Variants in GDPD1 observed in about 807,000 individuals in gnomAD.
GDPD1 encodes glycerophosphodiester phosphodiesterase domain containing 1.
GDPD1 carries 28 observed loss-of-function variants against 45.1 expected under a neutral mutation model. That is an observed-to-expected ratio of 0.62 (90% CI 0.46 to 0.85). The LOEUF (loss-of-function observed/expected upper bound fraction) is 0.85. Among genes scored for constraint, GDPD1 ranks in the 40% least tolerant of loss-of-function variants. The pLI, the probability that GDPD1 is intolerant of heterozygous loss-of-function variation, is 0.00. For synonymous variants in GDPD1, 139 were observed against 131.4 expected (o/e 1.06, Z -0.40); for missense variants, 256 against 364.8 (o/e 0.70, Z 2.43).
At chr17:59,235,233 C>T (rs576670587) in intron 2 of GDPD1, among the ~76,000 whole-genome samples, 12 of 152,100 alleles carry the variant, frequency 7.9e-5, no homozygotes, top group Non-Finnish European at 1.6e-4. Context: ...TTAGTAAGGT[C>T]CATATTTAGT....
intron 2 of GDPD1, among the ~76,000 whole-genome samples, chr17:59,236,123 T>TC (rs1292230477): frequency 2.0e-5 from 3 of 152,182 alleles, no homozygotes; most frequent in Non-Finnish European, 4.4e-5. Context: ...TCCATATTTT[T>TC]TTGTTAAATT....
At chr17:59,270,389 G>GT (rs1265144621) in intron 7 of GDPD1, among the ~76,000 whole-genome samples, 6 of 151,518 alleles carry the variant, frequency 4.0e-5, no homozygotes, top group African/African-American at 1.2e-4. Flanking sequence ...AGACGGGGGG[G>GT]GGTTTCACTA....
intron 1 of GDPD1, among the ~76,000 whole-genome samples, chr17:59,221,674 T>G (rs995632078): frequency 6.6e-6 from 1 of 152,170 alleles, no homozygotes; most frequent in African/African-American, 2.4e-5. Context: ...TAATGTGTCT[T>G]CATTGCATTT....
intron 6 of GDPD1, among the ~76,000 whole-genome samples, chr17:59,261,328 G>A (rs1347855915): frequency 6.6e-6 from 1 of 151,988 alleles, no homozygotes; most frequent in Admixed American, 6.6e-5. Context: ...GTGTACAAAA[G>A]GGAAGAACAG....
intron 4 of GDPD1, 21 bp downstream of exon 4, chr17:59,248,806 C>T (rs2047232220): frequency 6.4e-7 from 1 of 1,573,672 alleles, no homozygotes. Flanking sequence ...TTGTTTGTGG[C>T]TTAAACATTT....
intron 2 of GDPD1, among the ~76,000 whole-genome samples, chr17:59,237,076 T>C: frequency 6.6e-6 from 1 of 152,096 alleles, no homozygotes; most frequent in East Asian, 1.9e-4. Context: ...CATACTTGTT[T>C]CATTGAATAA....
rs897734222 is a variant in GDPD1, at chr17:59,275,928, T to A, written c.*2155T>A. On this transcript the variant is annotated 3_prime_UTR_variant, in exon 10 of 10. Coordinates refer to ENST00000284116, the MANE Select transcript of GDPD1 (RefSeq NM_182569.4). ...TGTCCCTGGATGACATAAATATCAT[T>A]TGCTTTGTTGTTTAAACTGAAATAA... The A allele has an allele frequency of 6.6e-6, 1 of 152,210 alleles. No homozygotes were observed. Among genetic ancestry groups the A allele is most frequent in the African/African-American group, 2.4e-5 (1 of 41,468 alleles). 9.4% of individuals were successfully genotyped at this position (152,210 alleles called of 1,614,324 possible). A position where few individuals can be genotyped will look rare whatever the true frequency, so the allele number is the denominator to read the frequency against.
At chr17:59,262,639 G>GTTTTTTTTTT (rs71145546) in intron 6 of GDPD1, among the ~76,000 whole-genome samples, 1 of 143,824 alleles carries the variant, frequency 7.0e-6, no homozygotes, top group African/African-American at 2.6e-5. Context: ...GTTTTTTTTT[G>GTTTTTTTTTT]TTTTTTTTTT....
Position 59,245,523 on chromosome 17 carries a change from G to T in GDPD1, c.295G>T (p.Val99Leu), listed in dbSNP as rs145860517. 4.0e-5 allele frequency: 64 copies of T among 1,610,692 alleles called. No individual in the cohort carries two copies. Among genetic ancestry groups the T allele is most frequent in the Non-Finnish European group, 5.3e-5 (62 of 1,177,500 alleles). ...ENLKRATGVN[V>L]NISDLKYCEL... is the part of the protein sequence containing the mutation. ...TCTAAAGAGAGCAACTGGGGTCAATGTAAACATCTCTGATCTCAAATACTG... is the reference window on the plus strand; with the variant it reads ...TCTAAAGAGAGCAACTGGGGTCAATTTAAACATCTCTGATCTCAAATACTG... The change falls in exon 3 of 10, where the codon GTA becomes TTA. Residue 99 changes from valine (V) to leucine (L), a missense_variant. Transcript: ENST00000284116.
chr17:59,225,197 T>C (rs1180443641), intron 1 of GDPD1, among the ~76,000 whole-genome samples: 1 of 149,066 alleles, frequency 6.7e-6, no homozygotes, highest in African/African-American at 2.5e-5. Context: ...GTTCAAGTAA[T>C]CCTGGTGCCT....
At chr17:59,236,095 CATTATTTT>C (rs1568340184) in intron 2 of GDPD1, among the ~76,000 whole-genome samples, 2 of 152,016 alleles carry the variant, frequency 1.3e-5, no homozygotes, top group African/African-American at 4.8e-5. Flanking sequence ...GCTTAAGGTA[CATTATTTT>C]ATGTTTTTCT....
chr17:59,238,180 A>G (rs1196946228), intron 2 of GDPD1, among the ~76,000 whole-genome samples: 1 of 149,000 alleles, frequency 6.7e-6, no homozygotes, highest in Non-Finnish European at 1.5e-5. Flanking sequence ...AGGCAGGAGA[A>G]TCACTTGAAC....
intron 2 of GDPD1, among the ~76,000 whole-genome samples, chr17:59,235,248 T>C (rs144616460): frequency 4.7e-4 from 72 of 152,262 alleles, no homozygotes; most frequent in African/African-American, 1.7e-3. Flanking sequence ...TTTAGTAAGA[T>C]AAATATTTTC....
chr17:59,257,322 T>C (rs1416229438), intron 5 of GDPD1, 82 bp downstream of exon 5: 10 of 702,000 alleles, frequency 1.4e-5, no homozygotes, highest in Non-Finnish European at 2.5e-5. Flanking sequence ...ACTGCATAGA[T>C]TGATAATGCT....
intron 2 of GDPD1, among the ~76,000 whole-genome samples, chr17:59,241,658 G>A (rs888146072): frequency 4.0e-5 from 6 of 151,792 alleles, no homozygotes; most frequent in East Asian, 4.0e-4. Flanking sequence ...GCTGGGTGCC[G>A]TGGCTCATGG....
At chr17:59,240,076 A>G (rs1048881815) in intron 2 of GDPD1, among the ~76,000 whole-genome samples, 1 of 152,096 alleles carries the variant, frequency 6.6e-6, no homozygotes, top group African/African-American at 2.4e-5. Flanking sequence ...GCAGATCAGG[A>G]GGGCAGGAGT....
chr17:59,248,342 T>A (rs895577823), intron 3 of GDPD1, among the ~76,000 whole-genome samples: 1 of 150,614 alleles, frequency 6.6e-6, no homozygotes, highest in Non-Finnish European at 1.5e-5. Flanking sequence ...TATTTACTAG[T>A]ATTGAGCATT....
chr17:59,258,180 G>A (rs1211880549), intron 6 of GDPD1, among the ~76,000 whole-genome samples: 1 of 151,924 alleles, frequency 6.6e-6, no homozygotes, highest in Non-Finnish European at 1.5e-5. Context: ...TCCTGCCTTG[G>A]CCTCCCAAAG....
At position 59,269,911 on chromosome 17, in the gene GDPD1, G is replaced by A. The variant is rs138550209; in HGVS notation, c.711-1025G>A. Among the ~76,000 whole-genome samples, 27 of 152,210 alleles carry A rather than the reference G, an allele frequency of 1.8e-4. 1 individual carries two copies. In the East Asian group the frequency reaches 4.8e-3, roughly 27 times the overall value. On this transcript the variant is annotated intron_variant, in intron 7 of 9. Coordinates refer to ENST00000284116, the MANE Select transcript of GDPD1 (RefSeq NM_182569.4). Reference sequence around the variant, plus strand: ...GTTTGCTCTATATTTATCTTCATATGTTCCTTTTAGAAGCAAATATTGTTG... The same window carrying A: ...GTTTGCTCTATATTTATCTTCATATATTCCTTTTAGAAGCAAATATTGTTG...
Sources: allele counts gnomAD v4.1 joint callset (sites outside exome capture counted in the v4.1 genomes callset), GRCh38; gene constraint gnomAD v4.1.1; transcripts MANE v1.5; gene names NCBI Gene and HGNC (gene_info 2026-07-23, HGNC 2026-07-21).